ADAMTSL1: variants seen among roughly 807,000 people sequenced by gnomAD.
ADAMTSL1 encodes ADAMTS-like protein 1.
In ADAMTSL1, 126 loss-of-function variants were observed where a neutral mutation model predicts 201.8. The ratio of observed to expected loss-of-function variants is 0.62; its 90% CI spans 0.54 to 0.72. ADAMTSL1 has a LOEUF of 0.72. Ranked by LOEUF, ADAMTSL1 falls within the 30% of genes least tolerant of loss-of-function variation. ADAMTSL1 has a pLI of 0.00. For synonymous variants in ADAMTSL1, 1,121 were observed against 903.4 expected (o/e 1.24, Z -4.32); for missense variants, 2,679 against 2,277.8 (o/e 1.18, Z -3.59).
rs375293004 is a variant in ADAMTSL1 at position 18,051,248 on chromosome 9, C to T, written c.88-112614C>T. Among the ~76,000 whole-genome samples the T allele has an allele frequency of 2.6e-5, 4 of 152,148 alleles. No homozygotes were observed. The South Asian group carries it at 8.3e-4, about 32-fold the overall frequency. On this transcript the variant is annotated intron_variant, in intron 1 of 29. Coordinates refer to the ADAMTSL1 transcript ENST00000680146. The stretch of plus-strand genomic sequence containing the variant: ...CCCAGGAGGAGGAGGTTGTAGTGAG[C>T]TGAGATGGTGCCACTGCACTCCAGG...
intron 2 of ADAMTSL1, among the ~76,000 whole-genome samples, chr9:18,176,378 G>T (rs1350950405): frequency 1.3e-5 from 2 of 152,080 alleles, no homozygotes; most frequent in Admixed American, 6.5e-5. Flanking sequence ...ATCATTTATT[G>T]ATGCTATAGT....
intron 2 of ADAMTSL1, among the ~76,000 whole-genome samples, chr9:18,290,379 C>G (rs1372186321): frequency 6.6e-6 from 1 of 151,858 alleles, no homozygotes; most frequent in Admixed American, 6.6e-5. Flanking sequence ...TGTATTCCCA[C>G]TATTTGGTGT....
intron 26 of ADAMTSL1, among the ~76,000 whole-genome samples, chr9:18,900,632 G>A (rs767495726): frequency 2.6e-5 from 4 of 152,138 alleles, no homozygotes; most frequent in Non-Finnish European, 4.4e-5. Context: ...CAAGGACATG[G>A]ATAGAGCTGA....
At chr9:18,376,137 A>G (rs1837286489) in intron 2 of ADAMTSL1, among the ~76,000 whole-genome samples, 1 of 152,232 alleles carries the variant, frequency 6.6e-6, no homozygotes, top group Non-Finnish European at 1.5e-5. Flanking sequence ...GAAACTTCCC[A>G]TGCAGTAAAT....
intron 21 of ADAMTSL1, among the ~76,000 whole-genome samples, chr9:18,819,446 A>G (rs1382265263): frequency 8.2e-6 from 1 of 122,396 alleles, no homozygotes; most frequent in Non-Finnish European, 1.8e-5. Context: ...ATAGAGCAAG[A>G]CTCTGTCTCA....
chr9:18,254,567 G>A (rs1326510251), intron 2 of ADAMTSL1, among the ~76,000 whole-genome samples: 1 of 151,508 alleles, frequency 6.6e-6, no homozygotes, highest in Middle Eastern at 3.2e-3. Context: ...GTTTCACCAT[G>A]TTAGCCAGGA....
At chr9:18,515,966 T>C (rs1052270831) in intron 2 of ADAMTSL1, among the ~76,000 whole-genome samples, 5 of 152,052 alleles carry the variant, frequency 3.3e-5, no homozygotes, top group Admixed American at 2.0e-4. Flanking sequence ...TTTATGCAAA[T>C]TCTCTGAGAC....
intron 1 of ADAMTSL1, among the ~76,000 whole-genome samples, chr9:18,057,138 C>G (rs1254065370): frequency 6.6e-6 from 1 of 152,116 alleles, no homozygotes; most frequent in Non-Finnish European, 1.5e-5. Context: ...AGGCAGGTAG[C>G]GGTTTTTCTA....
At chr9:18,789,533 T>G (rs191231160) in intron 19 of ADAMTSL1, among the ~76,000 whole-genome samples, 3 of 152,292 alleles carry the variant, frequency 2.0e-5, no homozygotes, top group Admixed American at 2.0e-4. Context: ...CAAATGAGTA[T>G]TTATTATGTA....
At chr9:18,565,400 C>G (rs942717363) in intron 3 of ADAMTSL1, among the ~76,000 whole-genome samples, 19 of 152,106 alleles carry the variant, frequency 1.2e-4, no homozygotes, top group Non-Finnish European at 2.4e-4. Context: ...TTCACAAACA[C>G]TCATTTCCCT....
intron 2 of ADAMTSL1, among the ~76,000 whole-genome samples, chr9:18,174,005 T>C (rs1349555712): frequency 1.3e-5 from 2 of 152,160 alleles, no homozygotes; most frequent in African/African-American, 4.8e-5. Context: ...AAACGAATGA[T>C]GAATATCACA....
chr9:18,521,579 G>A (rs1818693579), intron 2 of ADAMTSL1, among the ~76,000 whole-genome samples: 1 of 151,972 alleles, frequency 6.6e-6, no homozygotes, highest in Non-Finnish European at 1.5e-5. Context: ...ATGTCTAATT[G>A]TTTAGAGATA....
At position 18,706,890 on chromosome 9, in the gene ADAMTSL1, C is replaced by G. The variant is rs1477625389; in HGVS notation, c.1718C>G (p.Ala573Gly). 1 of 1,613,840 alleles carries G rather than the reference C, an allele frequency of 6.2e-7. No individual in the cohort carries two copies. Among genetic ancestry groups the G allele is most frequent in the African/African-American group, 1.3e-5 (1 of 74,930 alleles). Reference protein sequence around the residue: ...PIDECEGPKPASQRACYAGPC... With the variant: ...PIDECEGPKPGSQRACYAGPC... ...GACGAGTGTGAAGGGCCCAAGCCAG[C>G]ATCCCAGCGTGCCTGTTATGCAGGC... Residue 573 changes from alanine (A) to glycine (G), a missense_variant, in exon 14 of 29, where the codon GCA (alanine) becomes GGA (glycine). Transcript: ENST00000380548.
chr9:18,061,973 T>C (rs945385120), intron 1 of ADAMTSL1, among the ~76,000 whole-genome samples: 2 of 152,172 alleles, frequency 1.3e-5, no homozygotes, highest in Admixed American at 6.5e-5. Flanking sequence ...TGTCATTTAC[T>C]TGGAGACAGG....
intron 2 of ADAMTSL1, among the ~76,000 whole-genome samples, chr9:18,460,333 T>A (rs1405863903): frequency 6.6e-6 from 1 of 152,186 alleles, no homozygotes. Flanking sequence ...GCGAAATCCC[T>A]GTCTGTTTGC....
intron 1 of ADAMTSL1, among the ~76,000 whole-genome samples, chr9:17,957,397 G>T (rs1465400029): frequency 6.6e-6 from 1 of 152,102 alleles, no homozygotes; most frequent in Non-Finnish European, 1.5e-5. Flanking sequence ...GAAGCCAATG[G>T]ACTCGACAGA....
intron 1 of ADAMTSL1, among the ~76,000 whole-genome samples, chr9:17,929,002 G>T (rs1055294325): frequency 1.5e-4 from 23 of 151,380 alleles, no homozygotes; most frequent in African/African-American, 1.5e-4. Flanking sequence ...TGCATGTGTG[G>T]GTGTGTGTGT....
chr9:18,117,289 G>A (rs572620128), intron 1 of ADAMTSL1, among the ~76,000 whole-genome samples: 5 of 152,186 alleles, frequency 3.3e-5, no homozygotes, highest in African/African-American at 1.2e-4. Flanking sequence ...AGTTAAGGTC[G>A]TAGTCTGTTA....
intron 1 of ADAMTSL1, among the ~76,000 whole-genome samples, chr9:18,077,525 A>G (rs901502479): frequency 3.3e-5 from 5 of 152,200 alleles, no homozygotes; most frequent in African/African-American, 1.2e-4. Context: ...TGATTGATAA[A>G]AGGCCCCTTG....
Sources: gnomAD v4.1 joint callset for allele counts (sites outside exome capture counted in the v4.1 genomes callset) on GRCh38, gnomAD v4.1.1 for gene constraint, MANE v1.5 for transcripts, NCBI Gene and HGNC (gene_info 2026-07-23, HGNC 2026-07-21) for gene names.